Variants in DMXL1 observed in about 807,000 individuals in gnomAD.
The protein encoded by DMXL1 is dmX-like protein 1.
Under a neutral mutation model 319.2 loss-of-function variants are expected in DMXL1, and 99 were observed. The observed-to-expected ratio is 0.31, with a 90% CI of 0.26 to 0.37. DMXL1 has a LOEUF of 0.37. DMXL1 is among the 10% of genes least tolerant of loss of function. The pLI is 1.00. For missense variants in DMXL1, 3,745 were observed against 3,595.6 expected (o/e 1.04, Z -1.06); for synonymous variants, 1,385 against 1,235.2 (o/e 1.12, Z -2.54).
intron 10 of DMXL1, among the ~76,000 whole-genome samples, chr5:119,130,515 T>C (rs1764632697): frequency 6.6e-6 from 1 of 152,026 alleles, no homozygotes; most frequent in East Asian, 1.9e-4. Flanking sequence ...GCTAATTTTT[T>C]TATTTTTAGT....
intron 1 of DMXL1, among the ~76,000 whole-genome samples, chr5:119,080,479 C>T (rs1432790855): frequency 6.6e-6 from 1 of 152,138 alleles, no homozygotes; most frequent in African/African-American, 2.4e-5. Context: ...GTTCCATTAT[C>T]CAGCTGGTTT....
At chr5:119,239,556 C>A (rs972789952) in intron 41 of DMXL1, among the ~76,000 whole-genome samples, 4 of 152,132 alleles carry the variant, frequency 2.6e-5, no homozygotes, top group African/African-American at 9.7e-5. Flanking sequence ...TCAGTGAATA[C>A]AAAAAGAAGT....
chr5:119,076,737 G>A (rs902528229), intron 1 of DMXL1, among the ~76,000 whole-genome samples: 1 of 152,122 alleles, frequency 6.6e-6, no homozygotes, highest in South Asian at 2.1e-4. Context: ...ACCTGGTTTT[G>A]TTGATTAAAA....
At chr5:119,122,162 C>G (rs1309173319) in intron 9 of DMXL1, among the ~76,000 whole-genome samples, 15 of 129,532 alleles carry the variant, frequency 1.2e-4, no homozygotes, top group African/African-American at 4.3e-4. Flanking sequence ...CCCTCCCAGA[C>G]GGGGCGGCTG....
At chr5:119,130,357 T>G (rs56776489) in intron 10 of DMXL1, among the ~76,000 whole-genome samples, 38,633 of 151,838 alleles carry the variant, frequency 0.25, 5,371 homozygotes, top group East Asian at 0.43. Context: ...TTGTTTGTTT[T>G]TTTTTGATGG....
At chr5:119,184,064 T>C (rs1054408438) in intron 28 of DMXL1, among the ~76,000 whole-genome samples, 13 of 151,630 alleles carry the variant, frequency 8.6e-5, no homozygotes, top group Non-Finnish European at 1.6e-4. Flanking sequence ...CTTCTCTTTT[T>C]TTTTTTTGAG....
chr5:119,081,199 G>A (rs953597372), intron 1 of DMXL1, among the ~76,000 whole-genome samples: 3 of 152,100 alleles, frequency 2.0e-5, no homozygotes, highest in Non-Finnish European at 4.4e-5. Context: ...TCTGTTCTGG[G>A]CAAGGCAAAG....
intron 29 of DMXL1, among the ~76,000 whole-genome samples, chr5:119,191,340 C>G (rs1481761647): frequency 1.3e-5 from 2 of 152,228 alleles, no homozygotes; most frequent in African/African-American, 4.8e-5. Flanking sequence ...TCTGGTGACA[C>G]AAGTCTCCCA....
chr5:119,203,196 G>A (rs904303079), intron 32 of DMXL1, 123 bp from the exon 33 acceptor site: 1 of 596,102 alleles, frequency 1.7e-6, no homozygotes, highest in South Asian at 2.6e-5. Flanking sequence ...CATATGATCT[G>A]CCTCCAGTCA....
intron 26 of DMXL1, among the ~76,000 whole-genome samples, chr5:119,176,419 C>T (rs188666079): frequency 6.6e-6 from 1 of 152,150 alleles, no homozygotes; most frequent in African/African-American, 2.4e-5. Context: ...GTAACTTCAA[C>T]TTGATTTCTT....
chr5:119,099,696 T>C (rs1342112098), intron 2 of DMXL1, among the ~76,000 whole-genome samples: 4 of 152,138 alleles, frequency 2.6e-5, no homozygotes, highest in African/African-American at 4.8e-5. Flanking sequence ...TATATGACAG[T>C]CCAGGTTAGA....
chr5:119,073,665 G>A (rs1266630923), intron 1 of DMXL1, among the ~76,000 whole-genome samples: 2 of 152,074 alleles, frequency 1.3e-5, no homozygotes, highest in Non-Finnish European at 2.9e-5. Context: ...GTCTCTGGAA[G>A]CATTCAGTAA....
In DMXL1 at chr5:119,149,614, A is replaced by T. The variant is rs1240721118; in HGVS notation, c.3787A>T (p.Thr1263Ser). 1 of 1,613,826 alleles carries T rather than the reference A, an allele frequency of 6.2e-7. No individual in the cohort carries two copies. Among genetic ancestry groups the T allele is most frequent in the Non-Finnish European group, 8.5e-7 (1 of 1,179,910 alleles). Residue 1263 changes from threonine to serine, a missense_variant, in exon 18 of 44, where the codon ACA becomes TCA. Transcript: ENST00000539542. The part of the protein sequence containing the change: ...DSYSGSTPSI[T>S]SLIKQSNSSS... Reference sequence around the variant, plus strand: ...GTACAGTGGGAGCACTCCATCTATAACAAGTTTAATAAAACAGAGTAACTC... The same window carrying T: ...GTACAGTGGGAGCACTCCATCTATATCAAGTTTAATAAAACAGAGTAACTC...
At chr5:119,098,246 A>C in intron 2 of DMXL1, 142 bp downstream of exon 2, 1 of 827,024 alleles carries the variant, frequency 1.2e-6, no homozygotes, top group Admixed American at 3.0e-5. Flanking sequence ...TTGGCTGTCT[A>C]AGATGCATTC....
At position 119,124,896 on chromosome 5, in the gene DMXL1, A is replaced by G. The variant is rs149488696; in HGVS notation, c.1102+3757A>G. Among the ~76,000 whole-genome samples the G allele has an allele frequency of 1.1e-3, 160 of 152,250 alleles. 1 individual carries two copies. Among genetic ancestry groups the G allele is most frequent in the African/African-American group, 3.8e-3 (156 of 41,558 alleles). On this transcript the variant is annotated intron_variant, in intron 9 of 43. Coordinates refer to ENST00000539542, the MANE Select transcript of DMXL1 (RefSeq NM_001290321.3). ...TTTTTCTTTTATTGTGGATCAGTTT[A>G]AAATTTGCTTGTTACCAAAATTTGT...
At chr5:119,071,799 G>T in intron 1 of DMXL1, 143 bp downstream of exon 1, 1 of 679,548 alleles carries the variant, frequency 1.5e-6, no homozygotes, top group East Asian at 2.9e-5. Flanking sequence ...AGCAGACCTG[G>T]CCCTTGAGAA....
At chr5:119,134,211 G>T (rs747408589) in intron 12 of DMXL1, 33 bp downstream of exon 12, 7 of 1,606,224 alleles carry the variant, frequency 4.4e-6, no homozygotes, top group Non-Finnish European at 5.9e-6. Context: ...CAGTAATTTA[G>T]ATTTGCTGAC....
intron 9 of DMXL1, among the ~76,000 whole-genome samples, chr5:119,124,311 C>A (rs1000747795): frequency 6.8e-6 from 1 of 147,524 alleles, no homozygotes; most frequent in African/African-American, 2.5e-5. Flanking sequence ...GAGCGAGACT[C>A]CATCTCAAAA....
chr5:119,123,339 G>T (rs1164431370), intron 9 of DMXL1, among the ~76,000 whole-genome samples: 12 of 130,090 alleles, frequency 9.2e-5, no homozygotes, highest in Admixed American at 7.5e-4. Context: ...GGAGAGGAGG[G>T]AGAGGGAGAG....
Sources: gnomAD v4.1 joint callset for allele counts (sites outside exome capture counted in the v4.1 genomes callset) on GRCh38, gnomAD v4.1.1 for gene constraint, MANE v1.5 for transcripts, NCBI Gene and HGNC (gene_info 2026-07-23, HGNC 2026-07-21) for gene names.